Variants in TTBK1 observed in about 807,000 individuals in gnomAD.
TTBK1 encodes the protein tau-tubulin kinase 1.
A neutral mutation model predicts 108.5 loss-of-function variants in TTBK1; 34 were observed. That is an observed-to-expected ratio of 0.31 (90% CI 0.24 to 0.42). The LOEUF (loss-of-function observed/expected upper bound fraction) is 0.42. TTBK1 is among the 10% of genes least tolerant of loss of function. TTBK1 has a pLI of 1.00. For synonymous variants in TTBK1, 809 were observed against 795.1 expected, an observed-to-expected ratio of 1.02 and a Z score of -0.29; for missense variants, 1,539 against 1,826.0, an observed-to-expected ratio of 0.84 and a Z score of 2.86.
In TTBK1 at chr6:43,257,360, G is replaced by A. The variant is rs2035392511; in HGVS notation, c.862-452G>A. ...AATTCAAACTGATGCACTGTGCCCT[G>A]TAGGGCAGCTGTATGGTGGAGAGAA... is the stretch of plus-strand genomic sequence containing the variant. On this transcript the variant is annotated intron_variant, in intron 9 of 14. Coordinates refer to ENST00000259750, the MANE Select transcript of TTBK1 (RefSeq NM_032538.3). The surrounding 1 kb of genome is among the most constrained non-coding windows in gnomAD (Gnocchi z 4.5). Among the ~76,000 whole-genome samples the A allele has an allele frequency of 6.6e-6, 1 of 152,232 alleles. No individual in the cohort carries two copies. Among genetic ancestry groups the A allele is most frequent in the South Asian group, 2.1e-4 (1 of 4,836 alleles).
At position 43,253,605 on chromosome 6, in the gene TTBK1, G is replaced by A; in HGVS notation, c.368G>A (p.Arg123Gln). ...NLADLRRSQP[R>Q]GTFTLSTTLR... ...GCCGACCTGCGCCGTAGCCAGCCGCGAGGCACCTTCACGCTGAGCACCACA... is the reference window on the plus strand; with the variant it reads ...GCCGACCTGCGCCGTAGCCAGCCGCAAGGCACCTTCACGCTGAGCACCACA... Residue 123 changes from arginine to glutamine, a missense_variant, in exon 5 of 15, where the codon CGA (arginine) becomes CAA (glutamine). Transcript: ENST00000259750. The surrounding 1 kb of genome is among the most constrained non-coding windows in gnomAD (Gnocchi z 5.8). The A allele has an allele frequency of 1.9e-6, 3 of 1,612,966 alleles. No homozygotes were observed. Among genetic ancestry groups the A allele is most frequent in the African/African-American group, 1.3e-5 (1 of 74,988 alleles).
intron 1 of TTBK1, among the ~76,000 whole-genome samples, chr6:43,244,947 G>A (rs1195837191): frequency 6.6e-6 from 1 of 152,100 alleles, no homozygotes; most frequent in African/African-American, 2.4e-5. Context: ...ATCCCACTTT[G>A]GCAGAAAGAG....
chr6:43,259,466 T>C lies in TTBK1; in HGVS notation c.1249-65T>C, dbSNP rs1777473328. 7 of 1,472,102 alleles carry C rather than the reference T, an allele frequency of 4.8e-6. No homozygotes were observed. The South Asian group carries it at 8.3e-5, about 17-fold the overall frequency. The allele number at this position is 1,472,102 out of a possible 1,614,324, so 91.2% of individuals were successfully genotyped here. A position where few individuals can be genotyped will look rare whatever the true frequency, so the allele number is the denominator to read the frequency against. On this transcript the variant is annotated intron_variant, in intron 11 of 14. Transcript: ENST00000259750. This position sits in a 1 kb window ranked among gnomAD's most constrained non-coding sequence, Gnocchi z 6.7. The stretch of plus-strand genomic sequence containing the variant: ...TCATCATCCTCTGTCTCCTTCACCC[T>C]GAGGAGACCATCCGCCCACAGCCGC...
intron 2 of TTBK1, among the ~76,000 whole-genome samples, chr6:43,251,495 G>T (rs1777238833): frequency 6.6e-6 from 1 of 152,100 alleles, no homozygotes; most frequent in Admixed American, 6.6e-5. Context: ...AACCAAACCA[G>T]TCTCAGCTTG....
intron 2 of TTBK1, among the ~76,000 whole-genome samples, chr6:43,251,260 C>T (rs1376474264): frequency 1.3e-5 from 2 of 152,322 alleles, no homozygotes; most frequent in Admixed American, 6.5e-5. Flanking sequence ...GGGTACTGAA[C>T]AGACGTTCGG....
At position 43,269,876 on chromosome 6, in the gene TTBK1, A is replaced by G; in HGVS notation, c.1986+6526A>G. 1 of 1,526,684 alleles carries G rather than the reference A, an allele frequency of 6.6e-7. No individual in the cohort carries two copies. The highest frequency in any genetic ancestry group is 8.8e-7 in the Non-Finnish European group (1 of 1,141,580). The allele number at this position is 1,526,684 out of a possible 1,614,324, so 94.6% of individuals were successfully genotyped here. A position where few individuals can be genotyped will look rare whatever the true frequency, so the allele number is the denominator to read the frequency against. On this transcript the variant is annotated intron_variant, in intron 13 of 14. Transcript: ENST00000259750. This position sits in a 1 kb window ranked among gnomAD's most constrained non-coding sequence, Gnocchi z 4.8. ...CGCCCCTCGCTGCTGGCAACCACAG[A>G]CTCATGCCCTCGGTGCTCCGCATCT...
At chr6:43,248,578 C>G (rs1249234529) in intron 2 of TTBK1, among the ~76,000 whole-genome samples, 4 of 152,120 alleles carry the variant, frequency 2.6e-5, no homozygotes, top group Non-Finnish European at 5.9e-5. Flanking sequence ...CAAAAATTAG[C>G]CGGGTGTGGC....
chr6:43,245,489 CACAGAT>C (rs1170640019), intron 1 of TTBK1, among the ~76,000 whole-genome samples: 2 of 152,250 alleles, frequency 1.3e-5, no homozygotes, highest in East Asian at 3.9e-4. Flanking sequence ...CACAAGAACA[CACAGAT>C]ACAGAGATAC....
At position 43,269,176 on chromosome 6, in the gene TTBK1, C is replaced by T. The variant is rs1025124142; in HGVS notation, c.1986+5826C>T. 6.6e-6 allele frequency among the ~76,000 whole-genome samples: 1 copy of T among 152,192 alleles called. No homozygotes were observed. Among genetic ancestry groups the T allele is most frequent in the Non-Finnish European group, 1.5e-5 (1 of 68,038 alleles). ...CTGTGATGGGGCGGGGGTGCCAAGG[C>T]GGAGGGTGTACAGGGAAAGTTTCTG... is the stretch of plus-strand genomic sequence containing the variant. On this transcript the variant is annotated intron_variant, in intron 13 of 14. Transcript: ENST00000259750. This position sits in a 1 kb window ranked among gnomAD's most constrained non-coding sequence, Gnocchi z 4.8.
chr6:43,251,193 G>A (rs1777228954), intron 2 of TTBK1, among the ~76,000 whole-genome samples: 1 of 152,174 alleles, frequency 6.6e-6, no homozygotes, highest in Non-Finnish European at 1.5e-5. Flanking sequence ...AGCTCCGCCT[G>A]GTCTTCCTCC....
rs1778428103 is a variant in TTBK1, at chr6:43,288,109, C to T, written c.*2733C>T. The T allele has an allele frequency of 6.5e-6, 1 of 152,744 alleles. No individual in the cohort carries two copies. The highest frequency in any genetic ancestry group is 1.5e-5 in the Non-Finnish European group (1 of 68,110). The allele number at this position is 152,744 out of a possible 1,614,324, so 9.5% of individuals were successfully genotyped here. On this transcript the variant is annotated 3_prime_UTR_variant, in exon 15 of 15. Transcript: ENST00000259750. The surrounding 1 kb of genome is among the most constrained non-coding windows in gnomAD (Gnocchi z 4.4). ...TACATGCCAAACAGAATGTAACACCCCTCCCCAAGCCCTTCCCAGTCACTG... is the reference window on the plus strand; with the variant it reads ...TACATGCCAAACAGAATGTAACACCTCTCCCCAAGCCCTTCCCAGTCACTG...
chr6:43,251,189 G>C (rs1447687026), intron 2 of TTBK1, among the ~76,000 whole-genome samples: 1 of 152,096 alleles, frequency 6.6e-6, no homozygotes, highest in Non-Finnish European at 1.5e-5. Flanking sequence ...CTCCAGCTCC[G>C]CCTGGTCTTC....
At chr6:43,251,636 C>T (rs1161099504) in intron 2 of TTBK1, among the ~76,000 whole-genome samples, 1 of 152,204 alleles carries the variant, frequency 6.6e-6, no homozygotes, top group Non-Finnish European at 1.5e-5. Flanking sequence ...TCCCTGCCAG[C>T]TCTTCCTTCA....
intron 2 of TTBK1, among the ~76,000 whole-genome samples, chr6:43,251,264 C>T (rs1242841004): frequency 3.3e-5 from 5 of 152,168 alleles, no homozygotes; most frequent in Admixed American, 6.5e-5. Flanking sequence ...ACTGAACAGA[C>T]GTTCGGGGCG....
chr6:43,268,400 T>C (rs566140354), intron 13 of TTBK1, among the ~76,000 whole-genome samples: 5 of 152,086 alleles, frequency 3.3e-5, no homozygotes, highest in Non-Finnish European at 7.4e-5. Flanking sequence ...GCAAAGCCAG[T>C]CCTATTAGAA....
intron 2 of TTBK1, among the ~76,000 whole-genome samples, chr6:43,250,221 G>T (rs188408890): frequency 6.6e-6 from 1 of 152,088 alleles, no homozygotes; most frequent in African/African-American, 2.4e-5. Context: ...CAATGATTTC[G>T]GAGCCTGGCA....
In TTBK1 at chr6:43,253,859, C is replaced by T; in HGVS notation, c.471+151C>T. The T allele has an allele frequency of 9.3e-7, 1 of 1,069,582 alleles. No homozygotes were observed. Among genetic ancestry groups the T allele is most frequent in the Admixed American group, 2.9e-5 (1 of 34,580 alleles). 66.3% of individuals were successfully genotyped at this position (1,069,582 alleles called of 1,614,324 possible). On this transcript the variant is annotated intron_variant, in intron 5 of 14. Coordinates refer to ENST00000259750, the MANE Select transcript of TTBK1 (RefSeq NM_032538.3). The surrounding 1 kb of genome is among the most constrained non-coding windows in gnomAD (Gnocchi z 5.8). ...CCCAAGCCCCTCCTGCTCTCCTTCC[C>T]AGGCCCCATCTCTTCCTCTCCCGTG... is the stretch of plus-strand genomic sequence containing the variant.
Position 43,285,095 on chromosome 6 carries a change from G to T in TTBK1, c.3685G>T (p.Ala1229Ser). The stretch of plus-strand genomic sequence containing the variant: ...AGCCCAAGCCGGAGCCAGGCCCCCA[G>T]CGCCGCGCAGCCCGCGCCTCCCCGC... ...GRAQAGARPP[A>S]PRSPRLPAST... The change falls in exon 15 of 15, where the codon GCG becomes TCG. Residue 1229 changes from alanine to serine, a missense_variant. This residue lies in a region of TTBK1 where 1,055 missense variants were observed against 1,086.5 expected (regional missense o/e 0.97). Coordinates refer to ENST00000259750, the MANE Select transcript of TTBK1 (RefSeq NM_032538.3). This position sits in a 1 kb window ranked among gnomAD's most constrained non-coding sequence, Gnocchi z 4.7. 1 of 1,481,102 alleles carries T rather than the reference G, an allele frequency of 6.8e-7. No individual in the cohort carries two copies. Among genetic ancestry groups the T allele is most frequent in the Non-Finnish European group, 8.9e-7 (1 of 1,123,958 alleles). 91.7% of individuals were successfully genotyped at this position (1,481,102 alleles called of 1,614,324 possible). A position where few individuals can be genotyped will look rare whatever the true frequency, so the allele number is the denominator to read the frequency against.
Position 43,259,171 on chromosome 6 carries a change from C to A in TTBK1, c.1150C>A (p.Pro384Thr). ...LPGRPSEGLG[P>T]SPHLVPHPGG... is the part of the protein sequence containing the mutation. ...CGGGAGGCCCTCTGAGGGGCTGGGC[C>A]CCAGTCCCCACCTTGTCCCCCACCC... Residue 384 changes from proline (P) to threonine (T), a missense_variant, in exon 11 of 15, where the codon CCC becomes ACC. Pro to Thr is a conservative substitution (Grantham distance 38). Coordinates refer to ENST00000259750, the MANE Select transcript of TTBK1 (RefSeq NM_032538.3). This position sits in a 1 kb window ranked among gnomAD's most constrained non-coding sequence, Gnocchi z 6.7. 6.2e-7 allele frequency: 1 copy of A among 1,612,732 alleles called. No homozygotes were observed. Among genetic ancestry groups the A allele is most frequent in the Non-Finnish European group, 8.5e-7 (1 of 1,179,124 alleles).
Sources: gnomAD v4.1 joint callset for allele counts (sites outside exome capture counted in the v4.1 genomes callset) on GRCh38, gnomAD v4.1.1 for gene constraint, gnomAD v4.1.1 regional missense constraint, Gnocchi (gnomAD v3.1) non-coding constraint, MANE v1.5 for transcripts, NCBI Gene and HGNC (gene_info 2026-07-23, HGNC 2026-07-21) for gene names.